The following EP300 variants were observed in gnomAD, a reference collection of about 807,000 sequenced individuals.
The protein encoded by EP300 is EP300 lysine acetyltransferase.
In EP300, 31 loss-of-function variants were observed where a neutral mutation model predicts 264.0. That is an observed-to-expected ratio of 0.12 (90% CI 0.09 to 0.16). The LOEUF (loss-of-function observed/expected upper bound fraction) is 0.16, where lower values mean the gene tolerates loss of function less well. EP300 is among the 10% of genes least tolerant of loss of function. The probability of loss-of-function intolerance (pLI) is 1.00; values close to 1 mark genes in which losing one functional copy is unlikely to be tolerated. For missense variants in EP300, 2,766 were observed against 3,052.9 expected, an observed-to-expected ratio of 0.91 and a Z score of 2.21; for synonymous variants, 1,340 against 1,045.4, an observed-to-expected ratio of 1.28 and a Z score of -5.44.
intron 5 of EP300, among the ~76,000 whole-genome samples, chr22:41,130,533 A>AAAAAC (rs143829701): frequency 4.6e-5 from 7 of 151,976 alleles, no homozygotes; most frequent in Middle Eastern, 3.4e-3. Context: ...TGTCTTTAAA[A>AAAAAC]AAAACAAAAC....
Position 41,178,323 on chromosome 22 carries a change from A to G in EP300, c.6612A>G (p.Gly2204=), listed in dbSNP as rs749438971. 1.2e-6 allele frequency: 2 copies of G among 1,614,178 alleles called. No individual in the cohort carries two copies. Among genetic ancestry groups the G allele is most frequent in the Admixed American group, 1.7e-5 (1 of 60,032 alleles). The change falls in exon 31 of 31, where the codon GGA becomes GGG. Residue 2204 remains glycine, a synonymous_variant. Transcript: ENST00000263253. ...QQGAGPGIGP[G]MANHNQFQQP... ...GAGCAGGGCCAGGAATAGGCCCTGGAATGGCCAACCATAACCAGTTCCAGC... is the reference window on the plus strand; with the variant it reads ...GAGCAGGGCCAGGAATAGGCCCTGGGATGGCCAACCATAACCAGTTCCAGC...
At chr22:41,124,976 T>G (rs528364052) in intron 2 of EP300, among the ~76,000 whole-genome samples, 1 of 152,170 alleles carries the variant, frequency 6.6e-6, no homozygotes, top group South Asian at 2.1e-4. Flanking sequence ...CTCACTCTGT[T>G]GCCGAGGCTG....
intron 2 of EP300, among the ~76,000 whole-genome samples, chr22:41,120,870 A>G (rs1314567175): frequency 6.6e-6 from 1 of 152,192 alleles, no homozygotes; most frequent in Non-Finnish European, 1.5e-5. Flanking sequence ...AAGGACTGTC[A>G]TGCCCTGCCA....
chr22:41,132,434 C>T (rs890194408), intron 6 of EP300, among the ~76,000 whole-genome samples: 1 of 151,418 alleles, frequency 6.6e-6, no homozygotes, highest in East Asian at 2.0e-4. Context: ...ACTACAGGCG[C>T]GTGCCACCAT....
In EP300 at chr22:41,146,721, T is replaced by C. The variant is rs776933843; in HGVS notation, c.2054-18T>C. On this transcript the variant is annotated intron_variant, in intron 10 of 30. Transcript: ENST00000263253. ...GGGAAGATGGTGCAAAGATACTTAT[T>C]TCTCTTTTTTACTCTAGATGGCCCT... is the stretch of plus-strand genomic sequence containing the variant. 6.2e-7 allele frequency: 1 copy of C among 1,611,882 alleles called. No individual in the cohort carries two copies. Among genetic ancestry groups the C allele is most frequent in the Non-Finnish European group, 8.5e-7 (1 of 1,178,016 alleles).
chr22:41,116,406 C>A (rs2058821617), intron 1 of EP300, among the ~76,000 whole-genome samples: 1 of 152,124 alleles, frequency 6.6e-6, no homozygotes, highest in African/African-American at 2.4e-5. Context: ...TGATGTTCCC[C>A]TCTCTGTGTC....
chr22:41,163,554 C>G (rs1048043787), intron 21 of EP300, among the ~76,000 whole-genome samples: 4 of 151,936 alleles, frequency 2.6e-5, no homozygotes, highest in African/African-American at 9.7e-5. Flanking sequence ...CGAGACCAGC[C>G]TGGCCAACAT....
intron 14 of EP300, among the ~76,000 whole-genome samples, chr22:41,150,534 A>G (rs1405233024): frequency 1.3e-5 from 2 of 152,176 alleles, no homozygotes; most frequent in Non-Finnish European, 2.9e-5. Context: ...TAAATTTTAC[A>G]TATATTTAAG....
At position 41,117,638 on chromosome 22, in the gene EP300, T is replaced by C; in HGVS notation, c.546T>C (p.Asn182=). The C allele has an allele frequency of 6.2e-7, 1 of 1,614,144 alleles. No individual in the cohort carries two copies. Among genetic ancestry groups the C allele is most frequent in the Non-Finnish European group, 8.5e-7 (1 of 1,180,026 alleles). ...GMNPGMLAAG[N]GQGIMPNQVM... ...ATCCTGGAATGTTGGCTGCAGGCAATGGACAAGGGATAATGCCTAATCAAG... is the reference window on the plus strand; with the variant it reads ...ATCCTGGAATGTTGGCTGCAGGCAACGGACAAGGGATAATGCCTAATCAAG... The change falls in exon 2 of 31, where the codon AAT becomes AAC. Residue 182 remains asparagine, a synonymous_variant. Coordinates refer to ENST00000263253, the MANE Select transcript of EP300 (RefSeq NM_001429.4).
chr22:41,150,470 C>T (rs574162113), intron 14 of EP300, among the ~76,000 whole-genome samples: 20 of 152,198 alleles, frequency 1.3e-4, no homozygotes, highest in African/African-American at 2.9e-4. Flanking sequence ...TAAAGGGGTA[C>T]GACAAGGGGA....
At position 41,127,618 on chromosome 22, in the gene EP300, G is replaced by A; in HGVS notation, c.1038G>A (p.Leu346=). 1 of 1,614,196 alleles carries A rather than the reference G, an allele frequency of 6.2e-7. No homozygotes were observed. The highest frequency in any genetic ancestry group is 1.3e-5 in the African/African-American group (1 of 75,046). Residue 346 remains leucine (L), a synonymous_variant, in exon 4 of 31, where the codon TTG becomes TTA. Coordinates refer to ENST00000263253, the MANE Select transcript of EP300 (RefSeq NM_001429.4). Reference sequence around the variant, plus strand: ...TCCAGCAGCAGCTTGTTCTCCTTTTGCATGCTCACAAGTGCCAGCGCCGGG... The same window carrying A: ...TCCAGCAGCAGCTTGTTCTCCTTTTACATGCTCACAAGTGCCAGCGCCGGG... ...KLIQQQLVLL[L]HAHKCQRREQ...
chr22:41,168,502 C>A lies in EP300; in HGVS notation c.3928C>A (p.Leu1310Met). 1 of 1,614,196 alleles carries A rather than the reference C, an allele frequency of 6.2e-7. No individual in the cohort carries two copies. The highest frequency in any genetic ancestry group is 1.1e-5 in the South Asian group (1 of 91,084). The change falls in exon 24 of 31, where the codon CTG (leucine) becomes ATG (methionine). Residue 1310 changes from leucine (L) to methionine (M), a missense_variant. Transcript: ENST00000263253. ...TCTAGAGAATCGTGTGAATGACTTT[C>A]TGAGGCGACAGAATCACCCTGAGTC... is the stretch of plus-strand genomic sequence containing the variant. ...TFLENRVNDFLRRQNHPESGE... is the reference protein window; with the variant it reads ...TFLENRVNDFMRRQNHPESGE...
In EP300 at chr22:41,157,512, C is replaced by CTTTTT. The variant is rs1214250106; in HGVS notation, c.3501+122_3501+126dup. On this transcript the variant is annotated intron_variant, in intron 18 of 30. Coordinates refer to ENST00000263253, the MANE Select transcript of EP300 (RefSeq NM_001429.4). ...TATCCTGCTTCTGGCTTTGACATGG[C>CTTTTT]TTTTTTTTTTTTTTTTTTTTTTCCT... 3.4e-5 allele frequency: 15 copies of CTTTTT among 444,360 alleles called. 1 individual carries two copies. The highest frequency in any genetic ancestry group is 9.1e-5 in the African/African-American group (3 of 33,066). The allele number at this position is 444,360 out of a possible 1,614,324, so 27.5% of individuals were successfully genotyped here. A position where few individuals can be genotyped will look rare whatever the true frequency, so the allele number is the denominator to read the frequency against.
intron 27 of EP300, among the ~76,000 whole-genome samples, chr22:41,171,318 G>A (rs1569117907): frequency 6.6e-6 from 1 of 151,730 alleles, no homozygotes; most frequent in Non-Finnish European, 1.5e-5. Flanking sequence ...TTTGGTTTGG[G>A]TTGGTTAGGG....
intron 1 of EP300, among the ~76,000 whole-genome samples, chr22:41,097,905 A>G (rs1430604460): frequency 1.3e-5 from 2 of 151,860 alleles, no homozygotes; most frequent in East Asian, 1.9e-4. Context: ...CATGTTGGCC[A>G]TGATGGTCTC....
intron 1 of EP300, among the ~76,000 whole-genome samples, chr22:41,094,595 C>T (rs975168924): frequency 6.6e-6 from 1 of 152,202 alleles, no homozygotes; most frequent in Admixed American, 6.5e-5. Flanking sequence ...CTTCAGAATT[C>T]ATACACATAC....
rs1053391604 is a variant in EP300, at chr22:41,179,420, TTAA to T, written c.*466_*468del. The T allele has an allele frequency of 5.7e-4, 106 of 185,996 alleles. No homozygotes were observed. Among genetic ancestry groups the T allele is most frequent in the African/African-American group, 2.3e-3 (98 of 42,386 alleles). The allele number at this position is 185,996 out of a possible 1,614,324, so 11.5% of individuals were successfully genotyped here. On this transcript the variant is annotated 3_prime_UTR_variant, in exon 31 of 31. Coordinates refer to ENST00000263253, the MANE Select transcript of EP300 (RefSeq NM_001429.4). ...TTTCTAAACCAGAGGACAAAAGGGG[TTAA>T]TGTTACTTTAAAATTACATTCTATA... is the stretch of plus-strand genomic sequence containing the variant.
In EP300 at chr22:41,179,670, A is replaced by G. The variant is rs2059229112; in HGVS notation, c.*714A>G. ...ATGTAGAGAGAAAAATGACTTTTTCAAAAATATACAGGGGCAGCTGCCAAA... is the reference window on the plus strand; with the variant it reads ...ATGTAGAGAGAAAAATGACTTTTTCGAAAATATACAGGGGCAGCTGCCAAA... On this transcript the variant is annotated 3_prime_UTR_variant, in exon 31 of 31. Coordinates refer to ENST00000263253, the MANE Select transcript of EP300 (RefSeq NM_001429.4). 1 of 228,360 alleles carries G rather than the reference A, an allele frequency of 4.4e-6. No individual in the cohort carries two copies. Among genetic ancestry groups the G allele is most frequent in the Non-Finnish European group, 8.7e-6 (1 of 115,024 alleles). The allele number at this position is 228,360 out of a possible 1,614,324, so 14.1% of individuals were successfully genotyped here. A position where few individuals can be genotyped will look rare whatever the true frequency, so the allele number is the denominator to read the frequency against.
At position 41,178,999 on chromosome 22, in the gene EP300, T is replaced by C. The variant is rs1342354776; in HGVS notation, c.*43T>C. 4 of 1,607,430 alleles carry C rather than the reference T, an allele frequency of 2.5e-6. No individual in the cohort carries two copies. Among genetic ancestry groups the C allele is most frequent in the Non-Finnish European group, 3.4e-6 (4 of 1,178,206 alleles). The stretch of plus-strand genomic sequence containing the variant: ...TTGGGAGCAAAAAAATTATTTTCTC[T>C]TAACAAGACTTTTTGTACTGAAAAC... On this transcript the variant is annotated 3_prime_UTR_variant, in exon 31 of 31. Coordinates refer to ENST00000263253, the MANE Select transcript of EP300 (RefSeq NM_001429.4).
Sources: allele counts gnomAD v4.1 joint callset (sites outside exome capture counted in the v4.1 genomes callset), GRCh38; gene constraint gnomAD v4.1.1; transcripts MANE v1.5; gene names NCBI Gene and HGNC (gene_info 2026-07-23, HGNC 2026-07-21).